ITGBL1: variants seen among roughly 807,000 people sequenced by gnomAD.
The protein encoded by ITGBL1 is integrin beta-like protein 1.
Under a neutral mutation model 68.5 loss-of-function variants are expected in ITGBL1, and 51 were observed. That is an observed-to-expected ratio of 0.74 (90% CI 0.59 to 0.94). ITGBL1 has a LOEUF of 0.94. Ranked by LOEUF, ITGBL1 falls within the 40% of genes least tolerant of loss-of-function variation. ITGBL1 has a pLI of 0.00. For synonymous variants in ITGBL1, 209 were observed against 227.3 expected, an observed-to-expected ratio of 0.92 and a Z score of 0.72; for missense variants, 649 against 647.4, an observed-to-expected ratio of 1.00 and a Z score of -0.03.
Position 101,575,437 on chromosome 13 carries a change from T to C in ITGBL1, c.477T>C (p.Cys159=). 3.7e-6 allele frequency: 6 copies of C among 1,613,020 alleles called. No homozygotes were observed. The highest frequency in any genetic ancestry group is 5.1e-6 in the Non-Finnish European group (6 of 1,179,196). ...TTCATGGTTTAGGTACATGTCACTG[T>C]GGCAGGTGTAAGTGTGATAATTCAG... ...IICSNAGTCH[C]GRCKCDNSDG... is the part of the protein sequence containing the mutation. Residue 159 remains cysteine, a synonymous_variant, in exon 4 of 11, where the codon TGT becomes TGC. Transcript: ENST00000376180.
At chr13:101,512,665 G>A (rs1283264681) in intron 2 of ITGBL1, among the ~76,000 whole-genome samples, 1 of 152,074 alleles carries the variant, frequency 6.6e-6, no homozygotes, top group East Asian at 1.9e-4. Context: ...GAGAGCCAGA[G>A]TGCTGCAAGG....
At chr13:101,629,215 A>G (rs1027383466) in intron 7 of ITGBL1, among the ~76,000 whole-genome samples, 10 of 152,268 alleles carry the variant, frequency 6.6e-5, no homozygotes, top group African/African-American at 2.2e-4. Flanking sequence ...TTGGGGCAGC[A>G]TACACTTTGA....
intron 7 of ITGBL1, among the ~76,000 whole-genome samples, chr13:101,614,437 G>A (rs950491549): frequency 6.6e-6 from 1 of 152,116 alleles, no homozygotes; most frequent in Non-Finnish European, 1.5e-5. Flanking sequence ...GTTGAGGAGA[G>A]GCATTCCTCA....
chr13:101,594,410 A>C (rs1162765133), intron 6 of ITGBL1, among the ~76,000 whole-genome samples: 1 of 152,210 alleles, frequency 6.6e-6, no homozygotes, highest in Admixed American at 6.5e-5. Flanking sequence ...GTCTTATCTC[A>C]TACTGTATAT....
At chr13:101,699,647 C>T (rs2034086512) in intron 8 of ITGBL1, among the ~76,000 whole-genome samples, 1 of 152,210 alleles carries the variant, frequency 6.6e-6, no homozygotes, top group African/African-American at 2.4e-5. Context: ...CCTCCCCAGT[C>T]ATGCAGAACT....
rs575197344 is a variant in ITGBL1 at position 101,558,916 on chromosome 13, T to TGC, written c.317-8782_317-8781insCG. ...GTATTTGTATTTGTGTGTGTATGTG[T>TGC]GTGTGTGTGTGTTTATATAACTTTC... On this transcript the variant is annotated intron_variant, in intron 2 of 10. Coordinates refer to ENST00000376180, the MANE Select transcript of ITGBL1 (RefSeq NM_004791.3). Among the ~76,000 whole-genome samples the TGC allele has an allele frequency of 9.0e-3, 1,366 of 151,956 alleles. 21 individuals carry two copies. The highest frequency in any genetic ancestry group is 0.031 in the African/African-American group (1,295 of 41,454).
chr13:101,555,293 A>G (rs2049986130), intron 2 of ITGBL1, among the ~76,000 whole-genome samples: 1 of 152,214 alleles, frequency 6.6e-6, no homozygotes, highest in South Asian at 2.1e-4. Context: ...TTTTACGTCA[A>G]TATGTTGTGC....
At chr13:101,585,188 T>C (rs982931822) in intron 6 of ITGBL1, among the ~76,000 whole-genome samples, 2 of 152,142 alleles carry the variant, frequency 1.3e-5, no homozygotes, top group African/African-American at 4.8e-5. Flanking sequence ...TCACCAGATT[T>C]CTAGTCTGAG....
chr13:101,454,192 C>T, intron 2 of ITGBL1, 92 bp downstream of exon 2: 3 of 853,766 alleles, frequency 3.5e-6, no homozygotes, highest in South Asian at 3.2e-5. Flanking sequence ...GGTGGGGACA[C>T]GCCTCCCTTC....
chr13:101,693,133 C>T (rs1223798271), intron 8 of ITGBL1, among the ~76,000 whole-genome samples: 2 of 152,080 alleles, frequency 1.3e-5, no homozygotes, highest in Non-Finnish European at 2.9e-5. Context: ...GCCTCTCATA[C>T]CCAAACAAGA....
intron 7 of ITGBL1, among the ~76,000 whole-genome samples, chr13:101,676,565 C>G (rs551193864): frequency 6.6e-6 from 1 of 152,044 alleles, no homozygotes; most frequent in Non-Finnish European, 1.5e-5. Context: ...CAAATAGTTT[C>G]GGAAGTGACA....
chr13:101,555,351 G>A (rs550256507), intron 2 of ITGBL1, among the ~76,000 whole-genome samples: 31 of 152,114 alleles, frequency 2.0e-4, no homozygotes, highest in South Asian at 2.1e-4. Flanking sequence ...ACAAAAATAA[G>A]GATATGTATT....
chr13:101,572,418 G>A (rs780137147), intron 3 of ITGBL1, among the ~76,000 whole-genome samples: 5 of 152,064 alleles, frequency 3.3e-5, no homozygotes, highest in Non-Finnish European at 5.9e-5. Context: ...GTGAGGCCCC[G>A]GCACCACTGT....
intron 2 of ITGBL1, among the ~76,000 whole-genome samples, chr13:101,488,766 G>A (rs1383441155): frequency 6.6e-6 from 1 of 152,126 alleles, no homozygotes; most frequent in African/African-American, 2.4e-5. Context: ...TTATGTGTGA[G>A]TGATAATGAG....
chr13:101,541,902 T>A (rs910405456), intron 2 of ITGBL1, among the ~76,000 whole-genome samples: 1 of 152,180 alleles, frequency 6.6e-6, no homozygotes, highest in Non-Finnish European at 1.5e-5. Flanking sequence ...GGTGGTGATA[T>A]CCCCTTTATC....
At chr13:101,474,739 T>C (rs1477880833) in intron 2 of ITGBL1, among the ~76,000 whole-genome samples, 1 of 152,056 alleles carries the variant, frequency 6.6e-6, no homozygotes, top group Non-Finnish European at 1.5e-5. Context: ...AGAGACTACA[T>C]TTGTTTGGAG....
chr13:101,714,613 T>C, intron 10 of ITGBL1, 62 bp downstream of exon 10: 1 of 986,660 alleles, frequency 1.0e-6, no homozygotes, highest in Non-Finnish European at 1.6e-6. Context: ...CAAGAGACAC[T>C]CGTCATGCAA....
intron 2 of ITGBL1, among the ~76,000 whole-genome samples, chr13:101,516,134 CT>C (rs1354401079): frequency 1.3e-5 from 2 of 152,042 alleles, no homozygotes; most frequent in Non-Finnish European, 2.9e-5. Context: ...TAAAAATGAG[CT>C]AATTTTGGTG....
intron 7 of ITGBL1, among the ~76,000 whole-genome samples, chr13:101,657,541 A>G (rs1202225352): frequency 2.6e-5 from 4 of 152,142 alleles, no homozygotes; most frequent in Non-Finnish European, 5.9e-5. Context: ...TTGTTTTATT[A>G]CATTTGAGTC....
Sources: allele counts gnomAD v4.1 joint callset (sites outside exome capture counted in the v4.1 genomes callset), GRCh38; gene constraint gnomAD v4.1.1; transcripts MANE v1.5; gene names NCBI Gene and HGNC (gene_info 2026-07-23, HGNC 2026-07-21).